The following VWC2 variants were observed in gnomAD, a reference collection of about 807,000 sequenced individuals.
VWC2 encodes brorin.
In VWC2, 14 loss-of-function variants were observed where a neutral mutation model predicts 29.8. The observed-to-expected ratio is 0.47, with a 90% CI of 0.31 to 0.74. VWC2 has a LOEUF of 0.74. Ranked by LOEUF, VWC2 falls within the 30% of genes least tolerant of loss-of-function variation. The probability of loss-of-function intolerance (pLI) is 0.05; values close to 1 mark genes in which losing one functional copy is unlikely to be tolerated. For missense variants in VWC2, 457 were observed against 459.8 expected, an observed-to-expected ratio of 0.99 and a Z score of 0.05; for synonymous variants, 213 against 199.0, an observed-to-expected ratio of 1.07 and a Z score of -0.59.
intron 3 of VWC2, among the ~76,000 whole-genome samples, chr7:49,862,980 C>T (rs1790719290): frequency 6.6e-6 from 1 of 152,130 alleles, no homozygotes. Flanking sequence ...TGGCCTCTTA[C>T]AGTGAGGTAG....
At chr7:49,797,079 T>A (rs1027262881) in intron 2 of VWC2, among the ~76,000 whole-genome samples, 2 of 152,222 alleles carry the variant, frequency 1.3e-5, no homozygotes, top group African/African-American at 4.8e-5. Flanking sequence ...TATAAACATG[T>A]CTATAAGTAT....
At chr7:49,897,889 A>G (rs567107141) in intron 3 of VWC2, among the ~76,000 whole-genome samples, 1 of 152,330 alleles carries the variant, frequency 6.6e-6, no homozygotes, top group South Asian at 2.1e-4. Flanking sequence ...CTCACAGTGA[A>G]TATTAGAGAA....
chr7:49,845,854 C>T (rs561779823), intron 3 of VWC2, among the ~76,000 whole-genome samples: 5 of 152,244 alleles, frequency 3.3e-5, no homozygotes, highest in East Asian at 1.9e-4. Context: ...GAAGGAAGAG[C>T]GAGTGAGTTA....
chr7:49,781,670 G>T (rs73108816), intron 2 of VWC2, among the ~76,000 whole-genome samples: 2 of 152,164 alleles, frequency 1.3e-5, no homozygotes, highest in African/African-American at 2.4e-5. Flanking sequence ...GGCATTTTGC[G>T]TGTGGTGGAG....
In VWC2 at chr7:49,870,268, C is replaced by T. The variant is rs181761042; in HGVS notation, c.827-41766C>T. Reference sequence around the variant, plus strand: ...ACAAAAAATTAGCTGGGCATGGTGGCGGGCGCCTGTAGTCCCAGCTACTCG... The same window carrying T: ...ACAAAAAATTAGCTGGGCATGGTGGTGGGCGCCTGTAGTCCCAGCTACTCG... On this transcript the variant is annotated intron_variant, in intron 3 of 3. Coordinates refer to ENST00000340652, the MANE Select transcript of VWC2 (RefSeq NM_198570.5). 2.8e-3 allele frequency among the ~76,000 whole-genome samples: 431 copies of T among 152,156 alleles called. 3 individuals are homozygous for T. Among genetic ancestry groups the T allele is most frequent in the Middle Eastern group, 0.01 (3 of 294 alleles).
intron 3 of VWC2, among the ~76,000 whole-genome samples, chr7:49,880,450 G>A (rs998068987): frequency 6.6e-6 from 1 of 151,762 alleles, no homozygotes; most frequent in Admixed American, 6.6e-5. Context: ...TTGACCTGGA[G>A]TTTTCCTTGT....
chr7:49,845,117 C>T (rs188881552), intron 3 of VWC2, among the ~76,000 whole-genome samples: 13 of 152,126 alleles, frequency 8.5e-5, no homozygotes, highest in South Asian at 4.1e-4. Context: ...ACAACACACA[C>T]GGGGCCTGTC....
At chr7:49,909,512 A>G (rs1383979578) in intron 3 of VWC2, among the ~76,000 whole-genome samples, 4 of 152,092 alleles carry the variant, frequency 2.6e-5, no homozygotes, top group Non-Finnish European at 5.9e-5. Flanking sequence ...TGGAGTGCAG[A>G]GAGGACTAGA....
chr7:49,878,156 G>T (rs1044819324), intron 3 of VWC2, among the ~76,000 whole-genome samples: 2 of 151,908 alleles, frequency 1.3e-5, no homozygotes, highest in African/African-American at 2.4e-5. Flanking sequence ...CCACACTCAG[G>T]CTTCAGATCA....
At chr7:49,882,439 A>G (rs1223619820) in intron 3 of VWC2, among the ~76,000 whole-genome samples, 2 of 152,160 alleles carry the variant, frequency 1.3e-5, no homozygotes, top group East Asian at 1.9e-4. Context: ...TACATCCTAT[A>G]TGGAATTTAG....
intron 3 of VWC2, among the ~76,000 whole-genome samples, chr7:49,889,730 G>T (rs1424057501): frequency 2.0e-5 from 3 of 152,102 alleles, no homozygotes; most frequent in Non-Finnish European, 2.9e-5. Flanking sequence ...GAAGAAAAAA[G>T]AACTTATTGG....
chr7:49,878,276 C>G (rs1424272109), intron 3 of VWC2, among the ~76,000 whole-genome samples: 2 of 152,158 alleles, frequency 1.3e-5, no homozygotes, highest in Non-Finnish European at 2.9e-5. Context: ...TTTCTGCAGA[C>G]AGCAGTCACT....
At chr7:49,818,862 A>AAT (rs1165223421) in intron 3 of VWC2, among the ~76,000 whole-genome samples, 2 of 147,786 alleles carry the variant, frequency 1.4e-5, no homozygotes, top group East Asian at 3.9e-4. Flanking sequence ...ATTCAATAAA[A>AAT]ATATATATAT....
rs139642432 is a variant in VWC2 at position 49,786,780 on chromosome 7, A to C, written c.696+10649A>C. On this transcript the variant is annotated intron_variant, in intron 2 of 3. Transcript: ENST00000340652. Reference sequence around the variant, plus strand: ...ATGCTTGTTGGCTGCTTGTTTGTCTAATTTTGAGAAGTGTCTGTTCATGTC... The same window carrying C: ...ATGCTTGTTGGCTGCTTGTTTGTCTCATTTTGAGAAGTGTCTGTTCATGTC... 2.9e-3 allele frequency among the ~76,000 whole-genome samples: 447 copies of C among 152,184 alleles called. 2 individuals carry two copies. The highest frequency in any genetic ancestry group is 0.01 in the African/African-American group (422 of 41,512).
rs145110392 is a variant in VWC2, at chr7:49,878,608, T to C, written c.827-33426T>C. Among the ~76,000 whole-genome samples the C allele has an allele frequency of 3.2e-3, 486 of 152,332 alleles. 6 individuals are homozygous for C. The highest frequency in any genetic ancestry group is 0.011 in the African/African-American group (453 of 41,588). On this transcript the variant is annotated intron_variant, in intron 3 of 3. Transcript: ENST00000340652. ...TGTTTTTGTTCCAGCAGTTTTATTA[T>C]ATAATGACATTCCAAGTTGTATATT...
intron 2 of VWC2, among the ~76,000 whole-genome samples, chr7:49,786,910 C>T (rs572411925): frequency 6.6e-6 from 1 of 152,280 alleles, no homozygotes; most frequent in South Asian, 2.1e-4. Context: ...CAAATATTTT[C>T]TCCCATTCTG....
chr7:49,878,714 A>T (rs538883818), intron 3 of VWC2, among the ~76,000 whole-genome samples: 46 of 152,226 alleles, frequency 3.0e-4, no homozygotes, highest in African/African-American at 4.1e-4. Context: ...ATAATCTTTT[A>T]AAAAATTGCT....
chr7:49,881,823 TTA>T (rs1791678356), intron 3 of VWC2, among the ~76,000 whole-genome samples: 1 of 152,076 alleles, frequency 6.6e-6, no homozygotes, highest in Non-Finnish European at 1.5e-5. Flanking sequence ...AATTCATAAC[TTA>T]TGTTTGTACT....
chr7:49,896,627 C>T (rs1792395538), intron 3 of VWC2, among the ~76,000 whole-genome samples: 1 of 151,600 alleles, frequency 6.6e-6, no homozygotes, highest in Non-Finnish European at 1.5e-5. Flanking sequence ...AAAAGATCAA[C>T]AATTAAACAC....
Sources: gnomAD v4.1 joint callset for allele counts (sites outside exome capture counted in the v4.1 genomes callset) on GRCh38, gnomAD v4.1.1 for gene constraint, MANE v1.5 for transcripts, NCBI Gene and HGNC (gene_info 2026-07-23, HGNC 2026-07-21) for gene names.